The following DPY19L4 variants were observed in gnomAD, a reference collection of about 807,000 sequenced individuals.
The protein encoded by DPY19L4 is dpy-19 like 4, also known as probable C-mannosyltransferase DPY19L4.
A neutral mutation model predicts 102.8 loss-of-function variants in DPY19L4; 97 were observed. The ratio of observed to expected loss-of-function variants is 0.94; its 90% CI spans 0.80 to 1.12. The LOEUF is 1.12. DPY19L4 is among the 50% of genes most tolerant of loss of function. DPY19L4 has a pLI of 0.00. For synonymous variants in DPY19L4, 252 were observed against 283.1 expected, an observed-to-expected ratio of 0.89 and a Z score of 1.10; for missense variants, 815 against 850.4, an observed-to-expected ratio of 0.96 and a Z score of 0.52.
At chr8:94,727,043 C>T (rs769228747) in intron 2 of DPY19L4, among the ~76,000 whole-genome samples, 70 of 152,194 alleles carry the variant, frequency 4.6e-4, no homozygotes, top group Non-Finnish European at 8.4e-4. Flanking sequence ...CAGCCTTAAT[C>T]TTGAACCCAA....
rs575038715 is a variant in DPY19L4, at chr8:94,726,218, A to T, written c.17-113A>T. The stretch of plus-strand genomic sequence containing the variant: ...TAATTATGAAAAGGTTATCTTTGAT[A>T]CTAATAGGTCTTAGTGGTACTTTTG... On this transcript the variant is annotated intron_variant, in intron 1 of 18. Coordinates refer to ENST00000414645, the MANE Select transcript of DPY19L4 (RefSeq NM_181787.3). The T allele has an allele frequency of 2.8e-5, 19 of 672,542 alleles. No homozygotes were observed. The African/African-American group carries it at 3.4e-4, about 12-fold the overall frequency. 41.7% of individuals were successfully genotyped at this position (672,542 alleles called of 1,614,324 possible). A position where few individuals can be genotyped will look rare whatever the true frequency, so the allele number is the denominator to read the frequency against.
chr8:94,735,872 T>C (rs1041601600), intron 3 of DPY19L4, among the ~76,000 whole-genome samples: 1 of 152,206 alleles, frequency 6.6e-6, no homozygotes, highest in African/African-American at 2.4e-5. Flanking sequence ...TTTACATCTT[T>C]GAAATCTTAG....
chr8:94,765,802 T>C lies in DPY19L4; in HGVS notation c.1094T>C (p.Ile365Thr), dbSNP rs1035998120. 2.0e-6 allele frequency: 3 copies of C among 1,535,752 alleles called. No homozygotes were observed. The highest frequency in any genetic ancestry group is 2.7e-6 in the Non-Finnish European group (3 of 1,119,250). Reference protein sequence around the residue: ...VCTLTITLNIIMKMFVPHKEN... With the variant: ...VCTLTITLNITMKMFVPHKEN... ...ACTCTGACAATAACATTGAATATTA[T>C]AATGAAGGTAAGTAACTCTCTGGGA... Residue 365 changes from isoleucine (I) to threonine (T), a missense_variant, in exon 10 of 19, where the codon ATA becomes ACA. Coordinates refer to ENST00000414645, the MANE Select transcript of DPY19L4 (RefSeq NM_181787.3).
chr8:94,726,905 A>G (rs1390545216), intron 2 of DPY19L4, among the ~76,000 whole-genome samples: 1 of 152,218 alleles, frequency 6.6e-6, no homozygotes, highest in Non-Finnish European at 1.5e-5. Context: ...AGATTTTTAA[A>G]GGGAAGGAGA....
At chr8:94,774,920 T>C (rs1021134110) in intron 13 of DPY19L4, among the ~76,000 whole-genome samples, 3 of 152,120 alleles carry the variant, frequency 2.0e-5, no homozygotes, top group African/African-American at 7.2e-5. Context: ...AGATACCTCA[T>C]GTAAGTGGAA....
intron 1 of DPY19L4, among the ~76,000 whole-genome samples, chr8:94,722,018 AGAATCACTTGAACCCGG>A (rs1403356023): frequency 3.9e-5 from 6 of 152,222 alleles, no homozygotes; most frequent in Non-Finnish European, 8.8e-5. Flanking sequence ...CTGAGATAGG[AGAATCACTTGAACCCGG>A]GAGGCGGAGG....
chr8:94,730,449 T>C (rs887442112), intron 2 of DPY19L4, among the ~76,000 whole-genome samples: 12 of 152,056 alleles, frequency 7.9e-5, no homozygotes, highest in Non-Finnish European at 1.5e-4. Flanking sequence ...CTTACAAAAG[T>C]AAAATATTTA....
chr8:94,720,889 C>G (rs1157241896), intron 1 of DPY19L4, among the ~76,000 whole-genome samples: 1 of 151,640 alleles, frequency 6.6e-6, no homozygotes, highest in African/African-American at 2.4e-5. Context: ...AACTTTTTAC[C>G]TTATGAGTGG....
At chr8:94,789,179 A>G (rs1813787372) in intron 18 of DPY19L4, among the ~76,000 whole-genome samples, 1 of 152,136 alleles carries the variant, frequency 6.6e-6, no homozygotes, top group Admixed American at 6.6e-5. Flanking sequence ...CTTTCATGTC[A>G]TGCCTGGCAT....
At chr8:94,729,051 CT>C (rs1362864675) in intron 2 of DPY19L4, among the ~76,000 whole-genome samples, 1 of 151,354 alleles carries the variant, frequency 6.6e-6, no homozygotes, top group Non-Finnish European at 1.5e-5. Flanking sequence ...AGCTGTTTGT[CT>C]TTTTCAACCA....
Position 94,787,934 on chromosome 8 carries a change from A to G in DPY19L4, c.1889A>G (p.Tyr630Cys), listed in dbSNP as rs867334210. 3 of 1,477,104 alleles carry G rather than the reference A, an allele frequency of 2.0e-6. No homozygotes were observed. Among genetic ancestry groups the G allele is most frequent in the Non-Finnish European group, 2.7e-6 (3 of 1,111,044 alleles). 91.5% of individuals were successfully genotyped at this position (1,477,104 alleles called of 1,614,324 possible). A position where few individuals can be genotyped will look rare whatever the true frequency, so the allele number is the denominator to read the frequency against. Residue 630 changes from tyrosine (Y) to cysteine (C), a missense_variant, in exon 18 of 19, where the codon TAT (tyrosine) becomes TGT (cysteine). Tyr to Cys is a radical substitution (Grantham distance 194). Transcript: ENST00000414645. Reference sequence around the variant, plus strand: ...TCAAAGCGATCTGCTGAGGATATTTATAAAATACTGACATCTTACAAAGCT... The same window carrying G: ...TCAAAGCGATCTGCTGAGGATATTTGTAAAATACTGACATCTTACAAAGCT... ...IYSKRSAEDIYKILTSYKANY... is the reference protein window; with the variant it reads ...IYSKRSAEDICKILTSYKANY...
intron 8 of DPY19L4, among the ~76,000 whole-genome samples, chr8:94,762,318 C>T (rs1035324461): frequency 9.9e-5 from 15 of 151,944 alleles, no homozygotes; most frequent in African/African-American, 2.7e-4. Flanking sequence ...CAGCTGCATC[C>T]GGTGCTTCCA....
At chr8:94,724,608 G>A (rs1211800687) in intron 1 of DPY19L4, among the ~76,000 whole-genome samples, 1 of 151,968 alleles carries the variant, frequency 6.6e-6, no homozygotes, top group Non-Finnish European at 1.5e-5. Context: ...TTTTGTTTTT[G>A]AGACGGAGTC....
intron 13 of DPY19L4, 37 bp from the exon 14 acceptor site, chr8:94,777,629 A>G (rs1279609560): frequency 6.3e-7 from 1 of 1,594,208 alleles, no homozygotes. Context: ...TGATGTTCAC[A>G]GGATGTCTCA....
intron 3 of DPY19L4, among the ~76,000 whole-genome samples, chr8:94,735,915 A>T (rs1811170487): frequency 6.6e-6 from 1 of 152,322 alleles, no homozygotes; most frequent in South Asian, 2.1e-4. Flanking sequence ...AAAAAATTTT[A>T]AAGTAATTTA....
chr8:94,734,584 C>G (rs771920576), intron 2 of DPY19L4, 46 bp from the exon 3 acceptor site: 3 of 1,557,174 alleles, frequency 1.9e-6, no homozygotes, highest in Non-Finnish European at 1.7e-6. Flanking sequence ...TACATCATAT[C>G]AAGGGTACAT....
chr8:94,728,589 G>T (rs573387103), intron 2 of DPY19L4, among the ~76,000 whole-genome samples: 148 of 152,330 alleles, frequency 9.7e-4, no homozygotes, highest in African/African-American at 3.3e-3. Context: ...AAATCTAGGT[G>T]AGGGGCTGGC....
At chr8:94,772,110 T>G (rs1355394963) in intron 13 of DPY19L4, among the ~76,000 whole-genome samples, 1 of 152,206 alleles carries the variant, frequency 6.6e-6, no homozygotes, top group Non-Finnish European at 1.5e-5. Context: ...TGTTCCTGCT[T>G]CTATAGAAAA....
intron 11 of DPY19L4, 33 bp from the exon 12 acceptor site, chr8:94,768,362 T>G (rs187597249): frequency 1.9e-4 from 294 of 1,544,150 alleles, no homozygotes; most frequent in Non-Finnish European, 1.3e-5. Flanking sequence ...AAAACGTCTA[T>G]GAATTTAATA....
Sources: gnomAD v4.1 joint callset for allele counts (sites outside exome capture counted in the v4.1 genomes callset) on GRCh38, gnomAD v4.1.1 for gene constraint, MANE v1.5 for transcripts, NCBI Gene and HGNC (gene_info 2026-07-23, HGNC 2026-07-21) for gene names.